The following POLD3 variants were observed in gnomAD, a reference collection of about 807,000 sequenced individuals.
POLD3 encodes DNA polymerase delta 3, accessory subunit.
In POLD3, 19 loss-of-function variants were observed where a neutral mutation model predicts 58.2. The observed-to-expected ratio is 0.33, with a 90% CI of 0.23 to 0.48. The LOEUF (loss-of-function observed/expected upper bound fraction) is 0.48. Among genes scored for constraint, POLD3 ranks in the 20% least tolerant of loss-of-function variants. The pLI, the probability that POLD3 is intolerant of heterozygous loss-of-function variation, is 0.99. For missense variants in POLD3, 504 were observed against 545.5 expected, an observed-to-expected ratio of 0.92 and a Z score of 0.76; for synonymous variants, 172 against 193.5, an observed-to-expected ratio of 0.89 and a Z score of 0.92.
intron 4 of POLD3, among the ~76,000 whole-genome samples, chr11:74,648,611 C>T (rs548106320): frequency 2.5e-4 from 38 of 152,282 alleles, no homozygotes; most frequent in African/African-American, 7.7e-4. Context: ...CATGGACACA[C>T]AAGAAAGCAC....
intron 8 of POLD3, among the ~76,000 whole-genome samples, chr11:74,625,912 T>C (rs2032422092): frequency 6.6e-6 from 1 of 151,880 alleles, no homozygotes; most frequent in African/African-American, 2.4e-5. Context: ...TGTGTTTCAC[T>C]TCAAATTGCC....
chr11:74,614,041 G>A (rs2032001534), intron 5 of POLD3, among the ~76,000 whole-genome samples: 1 of 152,214 alleles, frequency 6.6e-6, no homozygotes, highest in Non-Finnish European at 1.5e-5. Flanking sequence ...AAACATGCTT[G>A]TGCAGAACCA....
At position 74,641,912 on chromosome 11, in the gene POLD3, T is replaced by C. The variant is rs777044661; in HGVS notation, c.*1146T>C. The stretch of plus-strand genomic sequence containing the variant: ...AGAAAACATTTTTATTAGTTACTTA[T>C]GGAAAATCATCTATTACAATGATAA... On this transcript the variant is annotated 3_prime_UTR_variant, in exon 12 of 12. Transcript: ENST00000263681. The C allele has an allele frequency of 1.5e-4, 151 of 985,164 alleles. No individual in the cohort carries two copies. The highest frequency in any genetic ancestry group is 1.7e-4 in the Non-Finnish European group (145 of 829,802). The allele number at this position is 985,164 out of a possible 1,614,324, so 61.0% of individuals were successfully genotyped here.
At chr11:74,636,139 T>C in intron 10 of POLD3, 58 bp from the exon 11 acceptor site, 1 of 1,510,000 alleles carries the variant, frequency 6.6e-7, no homozygotes, top group South Asian at 1.2e-5. Flanking sequence ...AAAGCTTTTG[T>C]TATTTTTCTG....
intron 3 of POLD3, among the ~76,000 whole-genome samples, chr11:74,606,379 T>C (rs989106145): frequency 1.3e-5 from 2 of 152,196 alleles, no homozygotes; most frequent in African/African-American, 4.8e-5. Flanking sequence ...GTTTCCAGGG[T>C]CAACTGACCT....
At chr11:74,619,260 G>A (rs1333744402) in intron 6 of POLD3, among the ~76,000 whole-genome samples, 5 of 151,954 alleles carry the variant, frequency 3.3e-5, no homozygotes, top group Non-Finnish European at 7.4e-5. Flanking sequence ...GCTTCTCTTA[G>A]ATTTTTATTG....
chr11:74,654,024 CTT>C (rs768585723), intron 4 of POLD3, among the ~76,000 whole-genome samples: 1 of 152,088 alleles, frequency 6.6e-6, no homozygotes, highest in Non-Finnish European at 1.5e-5. Flanking sequence ...ATGCCACACA[CTT>C]TTGCTCAACC....
Position 74,641,978 on chromosome 11 carries a change from T to C in POLD3, c.*1212T>C, listed in dbSNP as rs2032925577. The C allele has an allele frequency of 3.0e-6, 3 of 985,384 alleles. No individual in the cohort carries two copies. Among genetic ancestry groups the C allele is most frequent in the Non-Finnish European group, 3.6e-6 (3 of 829,932 alleles). The allele number at this position is 985,384 out of a possible 1,614,324, so 61.0% of individuals were successfully genotyped here. A position where few individuals can be genotyped will look rare whatever the true frequency, so the allele number is the denominator to read the frequency against. ...CATTATGGCTGGACAGGCGGTGAGC[T>C]CAGTGGATTGCAGTGGTGTGCTGGT... On this transcript the variant is annotated 3_prime_UTR_variant, in exon 12 of 12. Transcript: ENST00000263681.
chr11:74,625,629 T>A lies in POLD3; in HGVS notation c.899+56T>A, dbSNP rs1045331426. On this transcript the variant is annotated intron_variant, in intron 8 of 11. Transcript: ENST00000263681. ...AGTCTTTACTGGGGGTGAGAAGGTC[T>A]CTTTGGGCTTATTGACAGCAGGCAG... 10 of 1,442,828 alleles carry A rather than the reference T, an allele frequency of 6.9e-6. No homozygotes were observed. The African/African-American group carries it at 1.0e-4, about 15-fold the overall frequency. 89.4% of individuals were successfully genotyped at this position (1,442,828 alleles called of 1,614,324 possible). A position where few individuals can be genotyped will look rare whatever the true frequency, so the allele number is the denominator to read the frequency against.
chr11:74,593,089 C>G, intron 1 of POLD3: 1 of 1,024,166 alleles, frequency 9.8e-7, no homozygotes, highest in Non-Finnish European at 1.2e-6. Context: ...CGTGTCTTAA[C>G]TGTGTTAAGT....
At chr11:74,599,111 T>C (rs943986530) in intron 2 of POLD3, among the ~76,000 whole-genome samples, 1 of 152,160 alleles carries the variant, frequency 6.6e-6, no homozygotes, top group Non-Finnish European at 1.5e-5. Context: ...TGGCTTCCTT[T>C]AGCCATGACC....
chr11:74,631,774 G>A (rs933998097), intron 9 of POLD3, among the ~76,000 whole-genome samples: 5 of 151,982 alleles, frequency 3.3e-5, no homozygotes, highest in East Asian at 1.9e-4. Context: ...GAGCCACTGC[G>A]CCCGTCCTGT....
intron 2 of POLD3, among the ~76,000 whole-genome samples, chr11:74,597,700 A>G (rs904362247): frequency 6.6e-6 from 1 of 152,188 alleles, no homozygotes; most frequent in African/African-American, 2.4e-5. Flanking sequence ...GGCTGAAGCC[A>G]TCCTCCTGCC....
Position 74,642,225 on chromosome 11 carries a change from T to C in POLD3, c.*1459T>C. The C allele has an allele frequency of 3.0e-6, 3 of 985,394 alleles. No individual in the cohort carries two copies. Among genetic ancestry groups the C allele is most frequent in the Non-Finnish European group, 3.6e-6 (3 of 829,928 alleles). The allele number at this position is 985,394 out of a possible 1,614,324, so 61.0% of individuals were successfully genotyped here. A position where few individuals can be genotyped will look rare whatever the true frequency, so the allele number is the denominator to read the frequency against. On this transcript the variant is annotated 3_prime_UTR_variant, in exon 12 of 12. Transcript: ENST00000263681. ...GCATGAACTTGATTAAGACCAGAAG[T>C]TTGGGAGATGAGTCCTGGCATTATG... is the stretch of plus-strand genomic sequence containing the variant.
At position 74,618,505 on chromosome 11, in the gene POLD3, A is replaced by T. The variant is rs74826497; in HGVS notation, c.393-32A>T. ...GAACCACCCAAGAATGCATATGCTG[A>T]CATTAACTTAATGTAACATTTCTGT... On this transcript the variant is annotated intron_variant, in intron 5 of 11. Transcript: ENST00000263681. 737 of 1,547,192 alleles carry T rather than the reference A, an allele frequency of 4.8e-4. 3 individuals are homozygous for T. The African/African-American group carries it at 9.0e-3, about 19-fold the overall frequency.
chr11:74,600,958 A>T (rs2031474180), intron 2 of POLD3, among the ~76,000 whole-genome samples: 2 of 152,082 alleles, frequency 1.3e-5, no homozygotes, highest in South Asian at 4.1e-4. Context: ...ACCTCAGGTG[A>T]TCTGCCTGCC....
chr11:74,613,611 GTAA>G (rs2031985594), intron 5 of POLD3, among the ~76,000 whole-genome samples: 1 of 152,214 alleles, frequency 6.6e-6, no homozygotes, highest in Admixed American at 6.5e-5. Context: ...TAAATTCAAT[GTAA>G]TAATGTCTCC....
chr11:74,617,074 T>A (rs2032101955), intron 5 of POLD3, among the ~76,000 whole-genome samples: 1 of 152,194 alleles, frequency 6.6e-6, no homozygotes, highest in South Asian at 2.1e-4. Context: ...TAAGCAAGAC[T>A]GGGAAAAATA....
chr11:74,618,457 AG>A, intron 5 of POLD3, 79 bp from the exon 6 acceptor site: 1 of 912,478 alleles, frequency 1.1e-6, no homozygotes, highest in Non-Finnish European at 1.7e-6. Flanking sequence ...TACTGACATT[AG>A]TTTTTTTTTT....
Sources: allele counts gnomAD v4.1 joint callset (sites outside exome capture counted in the v4.1 genomes callset), GRCh38; gene constraint gnomAD v4.1.1; transcripts MANE v1.5; gene names NCBI Gene and HGNC (gene_info 2026-07-23, HGNC 2026-07-21).